CANX: variants seen among roughly 807,000 people sequenced by gnomAD.
The protein encoded by CANX is epididymis secretory sperm binding protein.
CANX carries 14 observed loss-of-function variants against 75.7 expected under a neutral mutation model. That is an observed-to-expected ratio of 0.19 (90% CI 0.12 to 0.29). The LOEUF (loss-of-function observed/expected upper bound fraction) is 0.29. Among genes scored for constraint, CANX ranks in the 10% least tolerant of loss-of-function variants. The probability of loss-of-function intolerance (pLI) is 1.00; values close to 1 mark genes in which losing one functional copy is unlikely to be tolerated. For synonymous variants in CANX, 227 were observed against 236.9 expected (o/e 0.96, Z 0.38); for missense variants, 567 against 713.2 (o/e 0.79, Z 2.34).
In CANX at chr5:179,708,332, C is replaced by T. The variant is rs1364804402; in HGVS notation, c.398C>T (p.Ala133Val). ...MSRAKHHAIS[A>V]KLNKPFLFDT... The stretch of plus-strand genomic sequence containing the variant: ...CGGGCCAAGCATCATGCCATCTCTG[C>T]TAAACTGAACAAGCCCTTCCTGTTT... The change falls in exon 5 of 15, where the codon GCT (alanine) becomes GTT (valine). Residue 133 changes from alanine (A) to valine (V), a missense_variant. This residue lies in a region of CANX where 351 missense variants were observed against 433.8 expected (regional missense o/e 0.81). Coordinates refer to ENST00000247461, the MANE Select transcript of CANX (RefSeq NM_001746.4). The T allele has an allele frequency of 6.2e-7, 1 of 1,613,826 alleles. No homozygotes were observed. The highest frequency in any genetic ancestry group is 1.3e-5 in the African/African-American group (1 of 74,890).
chr5:179,695,557 G>A (rs1431654811), upstream of CANX, among the ~76,000 whole-genome samples: 2 of 151,252 alleles, frequency 1.3e-5, no homozygotes, highest in Non-Finnish European at 2.9e-5. Flanking sequence ...TCGAACTCCT[G>A]ACCTCAGGTG....
chr5:179,699,149 G>C (rs373052316), intron 1 of CANX, 47 bp downstream of exon 1: 9 of 986,056 alleles, frequency 9.1e-6, no homozygotes, highest in East Asian at 2.3e-4. Context: ...GAGGACCTCG[G>C]GGGGCTGGGA....
intron 6 of CANX, 192 bp from the exon 7 acceptor site, chr5:179,709,681 T>C (rs1197935301): frequency 8.6e-6 from 4 of 462,790 alleles, no homozygotes; most frequent in Non-Finnish European, 7.6e-6. Context: ...TTTAGACACT[T>C]AAACGTTATT....
At chr5:179,723,820 ACT>A in intron 12 of CANX, 41 bp downstream of exon 12, 1 of 1,531,538 alleles carries the variant, frequency 6.5e-7, no homozygotes, top group Non-Finnish European at 8.9e-7. Context: ...TAGAGACATC[ACT>A]CTAGTGATTA....
At chr5:179,704,041 C>T (rs1280716435) in intron 1 of CANX, 1 of 152,070 alleles carries the variant, frequency 6.6e-6, no homozygotes, top group African/African-American at 2.4e-5. Context: ...GTATCTTCTA[C>T]TTGTTTTCTC....
intron 7 of CANX, among the ~76,000 whole-genome samples, chr5:179,713,975 G>GTTTGT (rs369815764): frequency 1.0e-3 from 152 of 152,174 alleles, no homozygotes; most frequent in African/African-American, 2.9e-3. Context: ...ACTGTGATTT[G>GTTTGT]TTTGTTTTGT....
rs988876732 is a variant in CANX at position 179,710,999 on chromosome 5, T to G, written c.721+934T>G. Among the ~76,000 whole-genome samples the G allele has an allele frequency of 3.7e-4, 56 of 152,010 alleles. 1 individual carries two copies. The highest frequency in any genetic ancestry group is 3.5e-3 in the Admixed American group (53 of 15,248). Reference sequence around the variant, plus strand: ...TTAACCCAGGAGGCAGAGGTTGCAGTTGAGTCAAGATTGTATCACTGCACT... The same window carrying G: ...TTAACCCAGGAGGCAGAGGTTGCAGGTGAGTCAAGATTGTATCACTGCACT... On this transcript the variant is annotated intron_variant, in intron 7 of 14. Coordinates refer to ENST00000247461, the MANE Select transcript of CANX (RefSeq NM_001746.4).
intron 1 of CANX, among the ~76,000 whole-genome samples, chr5:179,684,957 A>AC (rs1776163529): frequency 2.5e-5 from 1 of 39,670 alleles, no homozygotes. Flanking sequence ...TTTTTTTTTT[A>AC]CTAGAGACAG....
chr5:179,716,917 G>C (rs1463142944), intron 8 of CANX, among the ~76,000 whole-genome samples: 1 of 152,222 alleles, frequency 6.6e-6, no homozygotes, highest in Non-Finnish European at 1.5e-5. Flanking sequence ...GGTGAATATG[G>C]GAAGGGGTGT....
At chr5:179,696,245 A>G (rs914118281), upstream of CANX, among the ~76,000 whole-genome samples, 10 of 133,126 alleles carry the variant, frequency 7.5e-5, no homozygotes, top group Non-Finnish European at 1.1e-4. Flanking sequence ...AATCATATGC[A>G]TGTTTAAAGA....
At chr5:179,694,487 G>C (rs1581824893), upstream of CANX, 5 of 746,258 alleles carry the variant, frequency 6.7e-6, no homozygotes, top group East Asian at 1.2e-4. Flanking sequence ...GATTCTTCCT[G>C]TTCTCTTCGG....
chr5:179,711,660 G>A (rs1218039127), intron 7 of CANX, among the ~76,000 whole-genome samples: 2 of 151,072 alleles, frequency 1.3e-5, no homozygotes, highest in Admixed American at 6.6e-5. Flanking sequence ...ATGGTGGAGG[G>A]TGCCTGTAAT....
At chr5:179,715,036 A>G (rs1777837847) in intron 7 of CANX, among the ~76,000 whole-genome samples, 1 of 152,214 alleles carries the variant, frequency 6.6e-6, no homozygotes, top group Admixed American at 6.5e-5. Context: ...AAGTGCTGGG[A>G]TTACAGGCAT....
upstream of CANX, chr5:179,698,877 G>A (rs1190660890): frequency 3.5e-6 from 4 of 1,128,726 alleles, no homozygotes; most frequent in African/African-American, 3.4e-5. Context: ...GCTTGCGCGG[G>A]AGGGCGGGAC....
upstream of CANX, among the ~76,000 whole-genome samples, chr5:179,697,832 G>T (rs1171619925): frequency 6.6e-6 from 1 of 152,106 alleles, no homozygotes; most frequent in African/African-American, 2.4e-5. Context: ...AGGTTGTAGT[G>T]AGCTAAGATC....
chr5:179,693,167 A>G (rs1432970377), intron 1 of CANX, among the ~76,000 whole-genome samples: 1 of 147,594 alleles, frequency 6.8e-6, no homozygotes, highest in Non-Finnish European at 1.5e-5. Context: ...AAAAAAAGAC[A>G]AACCCTATAG....
chr5:179,714,353 C>G (rs868305740), intron 7 of CANX, among the ~76,000 whole-genome samples: 1 of 152,034 alleles, frequency 6.6e-6, no homozygotes, highest in Non-Finnish European at 1.5e-5. Context: ...AAATATCACA[C>G]GTACCCCGAA....
chr5:179,679,748 TCC>T (rs1776007291), intron 1 of CANX, among the ~76,000 whole-genome samples: 2 of 151,960 alleles, frequency 1.3e-5, no homozygotes, highest in Non-Finnish European at 2.9e-5. Context: ...AACCTCCACC[TCC>T]CGGGTTCCAG....
At chr5:179,698,170 T>TACAATTTA (rs1776471020), upstream of CANX, among the ~76,000 whole-genome samples, 2 of 152,012 alleles carry the variant, frequency 1.3e-5, no homozygotes, top group Admixed American at 6.6e-5. Context: ...GTACTAAGAG[T>TACAATTTA]GGGTTACTAA....
Sources: allele counts gnomAD v4.1 joint callset (sites outside exome capture counted in the v4.1 genomes callset), GRCh38; gene constraint gnomAD v4.1.1; regional missense constraint gnomAD v4.1.1; transcripts MANE v1.5; gene names NCBI Gene and HGNC (gene_info 2026-07-23, HGNC 2026-07-21).